The following KHDRBS3 variants were observed in gnomAD, a reference collection of about 807,000 sequenced individuals.
KHDRBS3 encodes the protein KH domain-containing, RNA-binding, signal transduction-associated protein 3.
In KHDRBS3, 23 loss-of-function variants were observed where a neutral mutation model predicts 45.6. The ratio of observed to expected loss-of-function variants is 0.50; its 90% CI spans 0.36 to 0.72. The LOEUF is 0.72. Ranked by LOEUF, KHDRBS3 falls within the 30% of genes least tolerant of loss-of-function variation. The pLI, the probability that KHDRBS3 is intolerant of heterozygous loss-of-function variation, is 0.00. For missense variants in KHDRBS3, 352 were observed against 424.8 expected, an observed-to-expected ratio of 0.83 and a Z score of 1.51; for synonymous variants, 162 against 156.5, an observed-to-expected ratio of 1.04 and a Z score of -0.26.
At chr8:135,474,554 A>G (rs1822174587) in intron 1 of KHDRBS3, among the ~76,000 whole-genome samples, 1 of 152,222 alleles carries the variant, frequency 6.6e-6, no homozygotes, top group African/African-American at 2.4e-5. Flanking sequence ...AATAGTCTCT[A>G]AATTCTTTGT....
At chr8:135,550,159 G>A (rs564274994) in intron 4 of KHDRBS3, among the ~76,000 whole-genome samples, 6 of 152,142 alleles carry the variant, frequency 3.9e-5, no homozygotes, top group Non-Finnish European at 7.3e-5. Flanking sequence ...ATCATGCAGT[G>A]TGGACCAGGC....
chr8:135,647,008 C>G lies in KHDRBS3; in HGVS notation c.965C>G (p.Thr322Ser). The G allele has an allele frequency of 6.3e-7, 1 of 1,596,732 alleles. No individual in the cohort carries two copies. Among genetic ancestry groups the G allele is most frequent in the Non-Finnish European group, 8.6e-7 (1 of 1,164,226 alleles). The change falls in exon 9 of 9, where the codon ACT becomes AGT. Residue 322 changes from threonine (T) to serine (S), a missense_variant. By Grantham distance (58) the Thr-to-Ser change is moderately conservative (BLOSUM62 1). Coordinates refer to ENST00000355849, the MANE Select transcript of KHDRBS3 (RefSeq NM_006558.3). Reference sequence around the variant, plus strand: ...CTGATTGTAGGGCAAGAAGAGTGGACTAACTCAAGACACAAGGCACCTTCA... The same window carrying G: ...CTGATTGTAGGGCAAGAAGAGTGGAGTAACTCAAGACACAAGGCACCTTCA... ...TYDSYGQEEW[T>S]NSRHKAPSAR... is the part of the protein sequence containing the mutation.
chr8:135,512,432 G>GGGA lies in KHDRBS3; in HGVS notation c.89-8803_89-8802insAGG, dbSNP rs1554620141. Among the ~76,000 whole-genome samples, 6 of 137,006 alleles carry GGGA rather than the reference G, an allele frequency of 4.4e-5. 1 individual carries two copies. Among genetic ancestry groups the GGGA allele is most frequent in the Admixed American group, 4.4e-4 (6 of 13,780 alleles). 89.9% of individuals were successfully genotyped at this position (137,006 alleles called of 152,430 possible). ...GAGTTAAGGTGTTTGGAAAAGTCGG[G>GGGA]GGGGGGGTAATAACTCTATTGATCT... is the stretch of plus-strand genomic sequence containing the variant. On this transcript the variant is annotated intron_variant, in intron 1 of 8. Transcript: ENST00000355849.
chr8:135,508,492 T>C lies in KHDRBS3; in HGVS notation c.89-12745T>C, dbSNP rs865867045. On this transcript the variant is annotated intron_variant, in intron 1 of 8. Coordinates refer to ENST00000355849, the MANE Select transcript of KHDRBS3 (RefSeq NM_006558.3). ...AATTCAGATCCTTGCAGGATTCTAATTGGTGACCTCTGGAGCCTGATAATT... is the reference window on the plus strand; with the variant it reads ...AATTCAGATCCTTGCAGGATTCTAACTGGTGACCTCTGGAGCCTGATAATT... Among the ~76,000 whole-genome samples, 31 of 152,346 alleles carry C rather than the reference T, an allele frequency of 2.0e-4. No individual in the cohort carries two copies. The Middle Eastern group carries it at 0.01, about 50-fold the overall frequency.
At chr8:135,562,407 C>T (rs1253101894) in intron 5 of KHDRBS3, among the ~76,000 whole-genome samples, 2 of 152,106 alleles carry the variant, frequency 1.3e-5, no homozygotes, top group African/African-American at 2.4e-5. Context: ...ATAGCCTAGG[C>T]GTGTAGTAGG....
At chr8:135,576,445 A>AT (rs1238806038) in intron 5 of KHDRBS3, among the ~76,000 whole-genome samples, 1 of 152,110 alleles carries the variant, frequency 6.6e-6, no homozygotes, top group Non-Finnish European at 1.5e-5. Context: ...ATGGATATTA[A>AT]TTTTATACAT....
intron 1 of KHDRBS3, among the ~76,000 whole-genome samples, chr8:135,460,269 G>A (rs145455023): frequency 1.1e-3 from 168 of 152,326 alleles, no homozygotes; most frequent in African/African-American, 3.7e-3. Flanking sequence ...TGTAGAATGG[G>A]CCAGCATGGC....
At chr8:135,487,417 T>C (rs1357151659) in intron 1 of KHDRBS3, among the ~76,000 whole-genome samples, 2 of 152,188 alleles carry the variant, frequency 1.3e-5, no homozygotes, top group Non-Finnish European at 1.5e-5. Flanking sequence ...ATACCTACTA[T>C]AGCAGATACT....
intron 1 of KHDRBS3, chr8:135,458,567 G>A: frequency 3.2e-6 from 1 of 314,720 alleles, no homozygotes; most frequent in South Asian, 2.7e-5. Flanking sequence ...GGCTCCAACA[G>A]CCCTGGCGGG....
chr8:135,620,586 G>C (rs187901609), intron 7 of KHDRBS3, among the ~76,000 whole-genome samples: 1 of 152,296 alleles, frequency 6.6e-6, no homozygotes, highest in African/African-American at 2.4e-5. Flanking sequence ...TGGCTCCTTA[G>C]TTAATCTCAA....
chr8:135,618,928 A>G (rs539726579), intron 7 of KHDRBS3, among the ~76,000 whole-genome samples: 1 of 152,268 alleles, frequency 6.6e-6, no homozygotes, highest in South Asian at 2.1e-4. Context: ...GTGCTCTGTA[A>G]GTAGTACTGA....
At chr8:135,466,159 T>C (rs1821686987) in intron 1 of KHDRBS3, among the ~76,000 whole-genome samples, 1 of 152,194 alleles carries the variant, frequency 6.6e-6, no homozygotes, top group Non-Finnish European at 1.5e-5. Context: ...CATTGGTATT[T>C]TTCATATTAT....
intron 7 of KHDRBS3, among the ~76,000 whole-genome samples, chr8:135,642,037 G>A (rs891740804): frequency 3.9e-5 from 6 of 152,332 alleles, no homozygotes; most frequent in East Asian, 1.9e-4. Context: ...GCCAGAGAGA[G>A]ACTAAGGCAG....
Position 135,625,593 on chromosome 8 carries a change from G to C in KHDRBS3, c.890+18556G>C. On this transcript the variant is annotated intron_variant, in intron 7 of 8. Coordinates refer to ENST00000355849, the MANE Select transcript of KHDRBS3 (RefSeq NM_006558.3). ...GGAGCCACTGCAGTTTCTTGACCTT[G>C]TCTGGCAGCCACAGGGTCAGTCTTT... is the stretch of plus-strand genomic sequence containing the variant. 9 of 956,090 alleles carry C rather than the reference G, an allele frequency of 9.4e-6. No homozygotes were observed. In the South Asian group the frequency reaches 1.2e-4, roughly 12 times the overall value. The allele number at this position is 956,090 out of a possible 1,614,324, so 59.2% of individuals were successfully genotyped here.
intron 5 of KHDRBS3, among the ~76,000 whole-genome samples, chr8:135,560,184 GATATAT>G (rs200828734): frequency 1.3e-5 from 2 of 151,678 alleles, no homozygotes; most frequent in Non-Finnish European, 2.9e-5. Context: ...TATTTTTAGT[GATATAT>G]ATATATCTCT....
intron 2 of KHDRBS3, 104 bp from the exon 3 acceptor site, chr8:135,542,550 A>G (rs936969726): frequency 7.1e-6 from 5 of 708,198 alleles, no homozygotes; most frequent in Non-Finnish European, 1.0e-5. Flanking sequence ...AATATTTGCC[A>G]TTAATCAATG....
chr8:135,554,345 C>G (rs1252067647), intron 4 of KHDRBS3, among the ~76,000 whole-genome samples: 1 of 152,114 alleles, frequency 6.6e-6, no homozygotes, highest in African/African-American at 2.4e-5. Context: ...TTTAGTATTA[C>G]ACCTCCTAAC....
At chr8:135,500,103 C>A (rs147780570) in intron 1 of KHDRBS3, among the ~76,000 whole-genome samples, 1 of 152,202 alleles carries the variant, frequency 6.6e-6, no homozygotes, top group African/African-American at 2.4e-5. Context: ...GAAAGTATAT[C>A]ACTCATCCCA....
At chr8:135,558,588 CTAT>C (rs1245885058) in intron 5 of KHDRBS3, among the ~76,000 whole-genome samples, 1 of 151,994 alleles carries the variant, frequency 6.6e-6, no homozygotes, top group Non-Finnish European at 1.5e-5. Context: ...GGATTTTTCT[CTAT>C]TAATAAAAAG....
Sources: gnomAD v4.1 joint callset for allele counts (sites outside exome capture counted in the v4.1 genomes callset) on GRCh38, gnomAD v4.1.1 for gene constraint, MANE v1.5 for transcripts, NCBI Gene and HGNC (gene_info 2026-07-23, HGNC 2026-07-21) for gene names.